RTL4: variants seen among roughly 807,000 people sequenced by gnomAD.
RTL4 encodes the protein retrotransposon Gag like 4.
In RTL4, 4 loss-of-function variants were observed where a neutral mutation model predicts 5.3. That is an observed-to-expected ratio of 0.75 (90% CI 0.37 to 1.72). The LOEUF (loss-of-function observed/expected upper bound fraction) is 1.72. Among genes scored for constraint, RTL4 ranks in the 40% most tolerant of loss-of-function variants. The probability of loss-of-function intolerance (pLI) is 0.04; values close to 1 mark genes in which losing one functional copy is unlikely to be tolerated. For synonymous variants in RTL4, 98 were observed against 87.3 expected (o/e 1.12, Z -0.68); for missense variants, 260 against 227.1 (o/e 1.14, Z -0.93).
the RTL4 span, among the ~76,000 whole-genome samples, chrX:112,326,466 C>T: frequency 3.6e-5 from 4 of 111,773 alleles, no homozygotes; most frequent in Non-Finnish European, 7.5e-5. Context: ...AAACGGCGCA[C>T]CAGGAGATTA....
At chrX:112,162,605 A>G in the RTL4 span, among the ~76,000 whole-genome samples, 1 of 111,912 alleles carries the variant, frequency 8.9e-6, no homozygotes, top group African/African-American at 3.2e-5. Context: ...AATTCTTTAG[A>G]TAACATCATA....
chrX:112,291,569 C>A, the RTL4 span, among the ~76,000 whole-genome samples: 1 of 110,344 alleles, frequency 9.1e-6, no homozygotes, highest in Admixed American at 9.6e-5. Flanking sequence ...ACACCATCTA[C>A]CCCTACGTAC....
At chrX:112,155,415 A>T in the RTL4 span, among the ~76,000 whole-genome samples, 1 of 111,582 alleles carries the variant, frequency 9.0e-6, no homozygotes, top group East Asian at 2.8e-4. Context: ...ATTTGCACTG[A>T]GCGAGGTCTG....
chrX:112,134,319 A>G, the RTL4 span, among the ~76,000 whole-genome samples: 1 of 112,281 alleles, frequency 8.9e-6, no homozygotes, highest in African/African-American at 3.2e-5. Context: ...TGGACCGCTA[A>G]CACTCTTACA....
At chrX:112,226,204 T>C in the RTL4 span, among the ~76,000 whole-genome samples, 1 of 111,941 alleles carries the variant, frequency 8.9e-6, no homozygotes, top group Non-Finnish European at 1.9e-5. Flanking sequence ...AGCTCTTTCT[T>C]ACTCCAAAGC....
chrX:112,278,424 A>G, the RTL4 span, among the ~76,000 whole-genome samples: 52 of 112,329 alleles, frequency 4.6e-4, no homozygotes, highest in Non-Finnish European at 2.1e-4. Flanking sequence ...GGAAAAACCT[A>G]GAGATACTGA....
chrX:112,099,746 A>G, the RTL4 span, among the ~76,000 whole-genome samples: 1 of 111,673 alleles, frequency 9.0e-6, no homozygotes, highest in Non-Finnish European at 1.9e-5. Flanking sequence ...TTTATTTTTC[A>G]GAGAATGGGA....
the RTL4 span, among the ~76,000 whole-genome samples, chrX:112,427,763 T>A: frequency 9.0e-6 from 1 of 111,483 alleles, no homozygotes; most frequent in Non-Finnish European, 1.9e-5. Context: ...TTAATTTTTT[T>A]ATTTTGTTAT....
the RTL4 span, among the ~76,000 whole-genome samples, chrX:112,090,421 G>A: frequency 9.0e-6 from 1 of 110,894 alleles, no homozygotes; most frequent in African/African-American, 3.3e-5. Context: ...AGTTGCTTTC[G>A]GTTCATACTT....
the RTL4 span, among the ~76,000 whole-genome samples, chrX:112,120,140 T>C: frequency 8.9e-6 from 1 of 112,248 alleles, no homozygotes; most frequent in Non-Finnish European, 1.9e-5. Context: ...GTGGTCTTCT[T>C]TTCCAAATGG....
At chrX:112,418,690 A>T in the RTL4 span, among the ~76,000 whole-genome samples, 4 of 110,683 alleles carry the variant, frequency 3.6e-5, no homozygotes, top group Non-Finnish European at 5.7e-5. Flanking sequence ...AGGTGGCTAC[A>T]TATCCTCAAC....
chrX:112,112,135 T>C, the RTL4 span, among the ~76,000 whole-genome samples: 1 of 112,038 alleles, frequency 8.9e-6, no homozygotes, highest in Non-Finnish European at 1.9e-5. Context: ...AAGCCAGCCT[T>C]TTGCTACTAT....
chrX:112,454,610 A>G, exon 1 of RTL4: 1 of 665,589 alleles, frequency 1.5e-6, no homozygotes, highest in Non-Finnish European at 2.3e-6. Flanking sequence ...CACAGCTAAC[A>G]GCTTTGGCTA....
At chrX:112,173,967 A>G in the RTL4 span, among the ~76,000 whole-genome samples, 1 of 110,216 alleles carries the variant, frequency 9.1e-6, no homozygotes, top group Non-Finnish European at 1.9e-5. Context: ...CTAATAATTT[A>G]AAGTCATCCT....
chrX:112,123,805 A>C, the RTL4 span, among the ~76,000 whole-genome samples: 15 of 111,898 alleles, frequency 1.3e-4, no homozygotes, highest in Non-Finnish European at 5.6e-5. Flanking sequence ...AAGCACCAAA[A>C]GCTAGTGTAA....
At chrX:112,450,469 A>G (rs1221942662), upstream of RTL4, among the ~76,000 whole-genome samples, 1 of 111,886 alleles carries the variant, frequency 8.9e-6, no homozygotes, top group Non-Finnish European at 1.9e-5. Flanking sequence ...CTGTGGTCTG[A>G]AACACCTCTG....
At chrX:112,141,231 T>C in the RTL4 span, among the ~76,000 whole-genome samples, 1,955 of 112,088 alleles carry the variant, frequency 0.017, 43 homozygotes, top group African/African-American at 0.06. Context: ...TCATTGCTAA[T>C]CTGTATAAGT....
At chrX:112,410,749 G>T in the RTL4 span, among the ~76,000 whole-genome samples, 2 of 111,482 alleles carry the variant, frequency 1.8e-5, no homozygotes, top group Non-Finnish European at 3.8e-5. Context: ...TAAGAAGAAA[G>T]TTTATAGCTA....
At chrX:112,086,563 A>C in the RTL4 span, among the ~76,000 whole-genome samples, 13 of 112,382 alleles carry the variant, frequency 1.2e-4, no homozygotes, top group Non-Finnish European at 2.4e-4. Context: ...AGGAAAATGC[A>C]GGAGAAAGCA....
Sources: allele counts gnomAD v4.1 joint callset (sites outside exome capture counted in the v4.1 genomes callset), GRCh38; gene constraint gnomAD v4.1.1; transcripts MANE v1.5; gene names NCBI Gene and HGNC (gene_info 2026-07-23, HGNC 2026-07-21).